POU2F1: variants seen among roughly 807,000 people sequenced by gnomAD.
POU2F1 encodes the protein POU class 2 homeobox 1.
A neutral mutation model predicts 84.9 loss-of-function variants in POU2F1; 16 were observed. The ratio of observed to expected loss-of-function variants is 0.19; its 90% confidence interval spans 0.13 to 0.29. The LOEUF (loss-of-function observed/expected upper bound fraction) is 0.29, where lower values mean the gene tolerates loss of function less well. Among genes scored for constraint, POU2F1 ranks in the 10% least tolerant of loss-of-function variants. POU2F1 has a pLI of 1.00. For missense variants in POU2F1, 738 were observed against 942.6 expected (o/e 0.78, Z 2.84); for synonymous variants, 368 against 368.3 (o/e 1.00, Z 0.01).
At chr1:167,252,622 AT>A (rs1473546543) in intron 1 of POU2F1, among the ~76,000 whole-genome samples, 1 of 152,216 alleles carries the variant, frequency 6.6e-6, no homozygotes, top group Non-Finnish European at 1.5e-5. Context: ...ATTCTGAATA[AT>A]TATATAGTTA....
intron 1 of POU2F1, among the ~76,000 whole-genome samples, chr1:167,232,052 G>A (rs755274330): frequency 3.9e-5 from 6 of 152,196 alleles, no homozygotes; most frequent in Non-Finnish European, 7.3e-5. Flanking sequence ...CAGTCCTGCA[G>A]CAGGCCCTGT....
Position 167,419,221 on chromosome 1 carries a change from T to C in POU2F1, c.*3411T>C, listed in dbSNP as rs1251785037. The C allele has an allele frequency of 6.6e-6, 1 of 152,220 alleles. No homozygotes were observed. Among genetic ancestry groups the C allele is most frequent in the East Asian group, 1.9e-4 (1 of 5,202 alleles). 9.4% of individuals were successfully genotyped at this position (152,220 alleles called of 1,614,324 possible). Reference sequence around the variant, plus strand: ...ACCTTATATGGGAGAGCCTGGAAACTAAAGGGGACCAGGGACCATTTGACC... The same window carrying C: ...ACCTTATATGGGAGAGCCTGGAAACCAAAGGGGACCAGGGACCATTTGACC... On this transcript the variant is annotated 3_prime_UTR_variant, in exon 16 of 16. Coordinates refer to ENST00000367866, the MANE Select transcript of POU2F1 (RefSeq NM_002697.4).
intron 1 of POU2F1, among the ~76,000 whole-genome samples, chr1:167,321,583 C>T (rs927329690): frequency 3.3e-4 from 51 of 152,254 alleles, no homozygotes; most frequent in African/African-American, 1.2e-3. Flanking sequence ...TGTCCTTTTT[C>T]TAATTGTTCA....
chr1:167,313,695 A>T (rs1300027212), intron 1 of POU2F1, among the ~76,000 whole-genome samples: 1 of 152,246 alleles, frequency 6.6e-6, no homozygotes, highest in African/African-American at 2.4e-5. Context: ...AACAGTTTTT[A>T]AACGTGACAC....
chr1:167,278,866 C>A (rs1652924759), intron 1 of POU2F1, among the ~76,000 whole-genome samples: 1 of 126,700 alleles, frequency 7.9e-6, no homozygotes, highest in African/African-American at 2.9e-5. Context: ...GTTTTCAAGA[C>A]CTATTTCACA....
chr1:167,320,182 T>C (rs1440785606), intron 1 of POU2F1, among the ~76,000 whole-genome samples: 1 of 151,780 alleles, frequency 6.6e-6, no homozygotes, highest in South Asian at 2.1e-4. Flanking sequence ...ACTAACTGTG[T>C]AGAATGAACC....
At chr1:167,367,357 C>T (rs966373072) in intron 3 of POU2F1, among the ~76,000 whole-genome samples, 2 of 152,094 alleles carry the variant, frequency 1.3e-5, no homozygotes, top group Admixed American at 6.6e-5. Flanking sequence ...TTACCTGTGT[C>T]CCAGCATTTA....
chr1:167,254,084 CA>C (rs1650951281), intron 1 of POU2F1, among the ~76,000 whole-genome samples: 1 of 152,146 alleles, frequency 6.6e-6, no homozygotes, highest in Non-Finnish European at 1.5e-5. Flanking sequence ...TAAATTGCTT[CA>C]CTGGCACTTT....
In POU2F1 at chr1:167,239,656, G is replaced by A. The variant is rs186615917; in HGVS notation, c.61+18698G>A. Among the ~76,000 whole-genome samples the A allele has an allele frequency of 1.1e-3, 162 of 152,294 alleles. 1 individual carries two copies. The highest frequency in any genetic ancestry group is 3.6e-3 in the African/African-American group (148 of 41,564). On this transcript the variant is annotated intron_variant, in intron 1 of 15. Coordinates refer to ENST00000367866, the MANE Select transcript of POU2F1 (RefSeq NM_002697.4). ...CCTTGAAGAACAATATACTTAAAAA[G>A]TGATCACCTTAATACAGACATGAAA...
intron 8 of POU2F1, among the ~76,000 whole-genome samples, chr1:167,384,998 A>G (rs182235967): frequency 6.6e-6 from 1 of 152,322 alleles, no homozygotes; most frequent in Admixed American, 6.5e-5. Context: ...AAGTGAGCTT[A>G]GCAAGTATGA....
At chr1:167,281,462 C>T (rs986052300) in intron 1 of POU2F1, among the ~76,000 whole-genome samples, 3 of 152,222 alleles carry the variant, frequency 2.0e-5, no homozygotes, top group Non-Finnish European at 4.4e-5. Flanking sequence ...GCCAATCGGG[C>T]AGGCCTCCCA....
chr1:167,264,758 G>A (rs1651821797), intron 1 of POU2F1, among the ~76,000 whole-genome samples: 1 of 151,590 alleles, frequency 6.6e-6, no homozygotes. Flanking sequence ...ATTTATCATG[G>A]CCCAGGCACT....
chr1:167,222,927 G>C (rs1477507268), intron 1 of POU2F1, among the ~76,000 whole-genome samples: 1 of 152,072 alleles, frequency 6.6e-6, no homozygotes, highest in African/African-American at 2.4e-5. Flanking sequence ...TTAAGGCTTT[G>C]TAAAGGTCTG....
chr1:167,372,791 C>T (rs1660091929), intron 5 of POU2F1, among the ~76,000 whole-genome samples: 1 of 152,188 alleles, frequency 6.6e-6, no homozygotes, highest in South Asian at 2.1e-4. Flanking sequence ...CTCTAAGGCA[C>T]CATTCAAAAT....
intron 2 of POU2F1, among the ~76,000 whole-genome samples, chr1:167,356,413 A>G (rs1250045412): frequency 1.3e-5 from 2 of 152,048 alleles, no homozygotes; most frequent in East Asian, 3.9e-4. Context: ...ATCACCTGCA[A>G]AGGGTTTTAT....
At chr1:167,376,937 G>T (rs1193773899) in intron 7 of POU2F1, among the ~76,000 whole-genome samples, 1 of 152,136 alleles carries the variant, frequency 6.6e-6, no homozygotes, top group East Asian at 1.9e-4. Flanking sequence ...GATTTGATAT[G>T]CACACAATGC....
In POU2F1 at chr1:167,225,957, G is replaced by A. The variant is rs564541604; in HGVS notation, c.61+4999G>A. ...TAATTGTGTTAATTACACAGTTTTT[G>A]TGATTAGTAAAGACTTGCTATGAAG... is the stretch of plus-strand genomic sequence containing the variant. On this transcript the variant is annotated intron_variant, in intron 1 of 15. Coordinates refer to ENST00000367866, the MANE Select transcript of POU2F1 (RefSeq NM_002697.4). 2.0e-5 allele frequency among the ~76,000 whole-genome samples: 3 copies of A among 152,292 alleles called. No homozygotes were observed. In the South Asian group the frequency reaches 6.2e-4, roughly 32 times the overall value.
chr1:167,277,188 A>G (rs1328906459), intron 1 of POU2F1, among the ~76,000 whole-genome samples: 3 of 151,596 alleles, frequency 2.0e-5, no homozygotes, highest in Admixed American at 2.0e-4. Flanking sequence ...TTCTCTTCTC[A>G]TGTCTCTGGT....
intron 5 of POU2F1, among the ~76,000 whole-genome samples, chr1:167,373,259 T>G (rs569058892): frequency 6.6e-6 from 1 of 152,340 alleles, no homozygotes; most frequent in East Asian, 1.9e-4. Flanking sequence ...TCAGAACTTG[T>G]CACCAAAAGA....
Sources: allele counts gnomAD v4.1 joint callset (sites outside exome capture counted in the v4.1 genomes callset), GRCh38; gene constraint gnomAD v4.1.1; transcripts MANE v1.5; gene names NCBI Gene and HGNC (gene_info 2026-07-23, HGNC 2026-07-21).